Variants in PPP2R2B observed in about 807,000 individuals in gnomAD.
PPP2R2B encodes protein phosphatase 2 regulatory subunit Bbeta.
A neutral mutation model predicts 46.0 loss-of-function variants in PPP2R2B; 5 were observed. The observed-to-expected ratio is 0.11, with a 90% CI of 0.06 to 0.23. The LOEUF (loss-of-function observed/expected upper bound fraction) is 0.23, where lower values mean the gene tolerates loss of function less well. Among genes scored for constraint, PPP2R2B ranks in the 10% least tolerant of loss-of-function variants. PPP2R2B has a pLI of 1.00. For synonymous variants in PPP2R2B, 215 were observed against 206.7 expected, an observed-to-expected ratio of 1.04 and a Z score of -0.34; for missense variants, 367 against 575.0, an observed-to-expected ratio of 0.64 and a Z score of 3.70.
chr5:146,618,051 T>C (rs1345189105), intron 7 of PPP2R2B, among the ~76,000 whole-genome samples: 1 of 152,018 alleles, frequency 6.6e-6, no homozygotes, highest in African/African-American at 2.4e-5. Flanking sequence ...CATCCCCAAA[T>C]ATGTCTACAC....
intron 1 of PPP2R2B, among the ~76,000 whole-genome samples, chr5:146,984,310 T>G (rs1028324850): frequency 6.6e-6 from 1 of 152,356 alleles, no homozygotes; most frequent in East Asian, 1.9e-4. Flanking sequence ...GGTTTGATCA[T>G]CTTAGATTCC....
chr5:146,782,419 A>G (rs1419531977), intron 2 of PPP2R2B, among the ~76,000 whole-genome samples: 1 of 152,212 alleles, frequency 6.6e-6, no homozygotes, highest in African/African-American at 2.4e-5. Flanking sequence ...TCAGCATCTA[A>G]GTTTCCCCTA....
chr5:146,979,850 T>C (rs1422697506), intron 1 of PPP2R2B, among the ~76,000 whole-genome samples: 1 of 152,112 alleles, frequency 6.6e-6, no homozygotes, highest in Non-Finnish European at 1.5e-5. Flanking sequence ...TCTCAAAATA[T>C]CTTATTGTAC....
At chr5:146,719,927 G>A (rs1780703499) in intron 2 of PPP2R2B, among the ~76,000 whole-genome samples, 1 of 152,112 alleles carries the variant, frequency 6.6e-6, no homozygotes. Context: ...GAGTGGGGAA[G>A]CAGCTGCTCC....
rs547535444 is a variant in PPP2R2B, at chr5:146,634,301, C to T, written c.790+3950G>A. ...CCTTGCTTCTGGAATTGAATGGAAA[C>T]ACTGGTTTTTCCTGGGTCTTCAGCC... On this transcript the variant is annotated intron_variant, in intron 7 of 9. Transcript: ENST00000394411. 2.0e-5 allele frequency among the ~76,000 whole-genome samples: 3 copies of T among 152,180 alleles called. No individual in the cohort carries two copies. In the East Asian group the frequency reaches 5.8e-4, roughly 29 times the overall value.
chr5:146,844,356 A>T (rs964785062), intron 2 of PPP2R2B, among the ~76,000 whole-genome samples: 51 of 117,604 alleles, frequency 4.3e-4, no homozygotes, highest in African/African-American at 1.6e-3. Context: ...AGTATAATAA[A>T]AAAAAAAAAA....
At chr5:146,739,247 G>A (rs1361942872) in intron 2 of PPP2R2B, among the ~76,000 whole-genome samples, 1 of 152,124 alleles carries the variant, frequency 6.6e-6, no homozygotes. Context: ...CTGGAACACT[G>A]GGGTTCAAAC....
chr5:146,872,249 G>T (rs1370524934), intron 2 of PPP2R2B, among the ~76,000 whole-genome samples: 2 of 152,278 alleles, frequency 1.3e-5, no homozygotes, highest in East Asian at 1.9e-4. Context: ...AATGCATTCT[G>T]GTTATTATGT....
intron 2 of PPP2R2B, among the ~76,000 whole-genome samples, chr5:146,734,361 T>A (rs769462379): frequency 3.9e-5 from 6 of 152,192 alleles, no homozygotes; most frequent in Non-Finnish European, 7.4e-5. Context: ...TAGCCATTTT[T>A]AACAGATGGA....
intron 1 of PPP2R2B, among the ~76,000 whole-genome samples, chr5:146,896,565 G>C (rs751363012): frequency 4.6e-5 from 7 of 152,156 alleles, no homozygotes; most frequent in Non-Finnish European, 8.8e-5. Context: ...CAGTCACCAG[G>C]ATGATTTTTC....
intron 2 of PPP2R2B, among the ~76,000 whole-genome samples, chr5:146,775,036 G>A (rs1755098055): frequency 6.6e-6 from 1 of 152,030 alleles, no homozygotes; most frequent in Admixed American, 6.6e-5. Context: ...TGTCTTCACA[G>A]GTGAATTCTA....
chr5:146,991,379 C>T (rs1355956776), intron 1 of PPP2R2B, among the ~76,000 whole-genome samples: 1 of 151,906 alleles, frequency 6.6e-6, no homozygotes, highest in Admixed American at 6.6e-5. Context: ...AAGTTGATTT[C>T]ATAGAAGTAG....
intron 1 of PPP2R2B, among the ~76,000 whole-genome samples, chr5:146,940,480 A>G (rs890605828): frequency 1.3e-5 from 2 of 151,726 alleles, no homozygotes; most frequent in Non-Finnish European, 2.9e-5. Context: ...GCCAGATGGA[A>G]GAAGTCCAGA....
intron 2 of PPP2R2B, among the ~76,000 whole-genome samples, chr5:146,861,495 A>C (rs575043563): frequency 5.1e-4 from 77 of 152,336 alleles, no homozygotes; most frequent in African/African-American, 1.8e-3. Flanking sequence ...CCGTCGTCAA[A>C]CTAATGTGTC....
chr5:146,931,241 A>G (rs1763960660), intron 1 of PPP2R2B, among the ~76,000 whole-genome samples: 1 of 152,090 alleles, frequency 6.6e-6, no homozygotes, highest in Non-Finnish European at 1.5e-5. Flanking sequence ...TAGGTTTAAG[A>G]TGTTTCCCAT....
intron 2 of PPP2R2B, among the ~76,000 whole-genome samples, chr5:146,708,407 ATGTG>A (rs148698250): frequency 0.023 from 3,221 of 138,638 alleles, 77 homozygotes; most frequent in African/African-American, 0.059. Flanking sequence ...GTGTGTGTGT[ATGTG>A]TGTGTGTGTG....
At chr5:146,787,998 G>A (rs982513973) in intron 2 of PPP2R2B, among the ~76,000 whole-genome samples, 1 of 152,144 alleles carries the variant, frequency 6.6e-6, no homozygotes, top group Admixed American at 6.5e-5. Context: ...GTGACAAACT[G>A]TCTTTCTCAT....
intron 2 of PPP2R2B, among the ~76,000 whole-genome samples, chr5:146,816,389 G>T (rs563933081): frequency 6.6e-6 from 1 of 152,298 alleles, no homozygotes; most frequent in African/African-American, 2.4e-5. Context: ...AACAGAGTGA[G>T]ACTATCTCCA....
intron 1 of PPP2R2B, among the ~76,000 whole-genome samples, chr5:146,992,707 T>C (rs1201589845): frequency 6.6e-6 from 1 of 152,214 alleles, no homozygotes; most frequent in African/African-American, 2.4e-5. Context: ...GATAAAGTCC[T>C]GGCTTCCTAC....
Sources: gnomAD v4.1 joint callset for allele counts (sites outside exome capture counted in the v4.1 genomes callset) on GRCh38, gnomAD v4.1.1 for gene constraint, MANE v1.5 for transcripts, NCBI Gene and HGNC (gene_info 2026-07-23, HGNC 2026-07-21) for gene names.